The following FLI1 variants were observed in gnomAD, a reference collection of about 807,000 sequenced individuals.
FLI1 encodes the protein Fli-1 proto-oncogene, ETS transcription factor.
In FLI1, 13 loss-of-function variants were observed where a neutral mutation model predicts 53.1. The ratio of observed to expected loss-of-function variants is 0.24; its 90% CI spans 0.16 to 0.39. The LOEUF (loss-of-function observed/expected upper bound fraction) is 0.39, where lower values mean the gene tolerates loss of function less well. Ranked by LOEUF, FLI1 falls within the 10% of genes least tolerant of loss-of-function variation. The pLI, the probability that FLI1 is intolerant of heterozygous loss-of-function variation, is 1.00. For synonymous variants in FLI1, 244 were observed against 236.7 expected, an observed-to-expected ratio of 1.03 and a Z score of -0.28; for missense variants, 424 against 600.5, an observed-to-expected ratio of 0.71 and a Z score of 3.07.
At chr11:128,793,702 T>C (rs1210540667) in intron 5 of FLI1, among the ~76,000 whole-genome samples, 4 of 152,212 alleles carry the variant, frequency 2.6e-5, no homozygotes, top group Admixed American at 6.5e-5. Flanking sequence ...AAATGCACCC[T>C]GAATAAATCA....
In FLI1 at chr11:128,811,008, C is replaced by G. The variant is rs762352696; in HGVS notation, c.*20C>G. The G allele has an allele frequency of 1.2e-6, 2 of 1,613,168 alleles. No homozygotes were observed. The highest frequency in any genetic ancestry group is 2.2e-5 in the South Asian group (2 of 91,062). On this transcript the variant is annotated 3_prime_UTR_variant, in exon 9 of 9. Coordinates refer to ENST00000527786, the MANE Select transcript of FLI1 (RefSeq NM_002017.5). The stretch of plus-strand genomic sequence containing the variant: ...TACTAGAAGCTTACTCATCAGTGGC[C>G]TTCTAGCTGAAGCCCATCCTGCACA...
chr11:128,768,059 T>C, intron 2 of FLI1, 59 bp from the exon 3 acceptor site: 1 of 1,487,312 alleles, frequency 6.7e-7, no homozygotes. Context: ...ATTCAGAGGC[T>C]GAGGCAAGCT....
intron 5 of FLI1, among the ~76,000 whole-genome samples, chr11:128,798,648 T>A (rs1033978399): frequency 6.6e-6 from 1 of 152,172 alleles, no homozygotes; most frequent in Non-Finnish European, 1.5e-5. Context: ...AGGATGTTTT[T>A]TCCCTGTGAG....
chr11:128,759,601 G>T (rs751727342), intron 2 of FLI1, among the ~76,000 whole-genome samples: 2 of 152,220 alleles, frequency 1.3e-5, no homozygotes, highest in East Asian at 1.9e-4. Flanking sequence ...GTGAATGAAG[G>T]GGGTGCATGA....
At chr11:128,809,103 G>C (rs1031136279) in intron 7 of FLI1, 54 bp from the exon 8 acceptor site, 1 of 1,401,840 alleles carries the variant, frequency 7.1e-7, no homozygotes, top group Non-Finnish European at 1.0e-6. Context: ...TGGTTGGTAC[G>C]GTTGTCATAT....
intron 5 of FLI1, among the ~76,000 whole-genome samples, chr11:128,797,408 T>C (rs1423872433): frequency 6.6e-6 from 1 of 152,252 alleles, no homozygotes; most frequent in Admixed American, 6.5e-5. Context: ...AGCCAATCTG[T>C]CACTTTTCAA....
intron 5 of FLI1, among the ~76,000 whole-genome samples, chr11:128,792,724 T>C (rs1193579911): frequency 6.6e-6 from 1 of 152,224 alleles, no homozygotes; most frequent in African/African-American, 2.4e-5. Flanking sequence ...TCCTTTTGTG[T>C]TTAATACTAC....
At chr11:128,774,290 A>G (rs948229338) in intron 4 of FLI1, among the ~76,000 whole-genome samples, 7 of 152,162 alleles carry the variant, frequency 4.6e-5, no homozygotes, top group Non-Finnish European at 7.3e-5. Flanking sequence ...GAGAAAGTAG[A>G]TGATGCAGTA....
intron 2 of FLI1, among the ~76,000 whole-genome samples, chr11:128,766,280 T>C (rs1394613046): frequency 6.6e-6 from 1 of 152,202 alleles, no homozygotes; most frequent in Non-Finnish European, 1.5e-5. Context: ...AGTCCTGATG[T>C]GCTACTGCCT....
At chr11:128,695,827 C>G (rs1938048907) in intron 1 of FLI1, 1 of 152,166 alleles carries the variant, frequency 6.6e-6, no homozygotes, top group South Asian at 2.1e-4. Flanking sequence ...TGTGTTCATG[C>G]AAGTGTCTCT....
At position 128,805,346 on chromosome 11, in the gene FLI1, T is replaced by G; in HGVS notation, c.656-20T>G. ...GAAGCAGGCGATGCTAATGTACCCC[T>G]ATTTGTTATTGTTCATTAGACCCTT... On this transcript the variant is annotated intron_variant, in intron 5 of 8. Transcript: ENST00000527786. 2 of 1,503,068 alleles carry G rather than the reference T, an allele frequency of 1.3e-6. No individual in the cohort carries two copies. Among genetic ancestry groups the G allele is most frequent in the Non-Finnish European group, 1.8e-6 (2 of 1,093,636 alleles). The allele number at this position is 1,503,068 out of a possible 1,614,324, so 93.1% of individuals were successfully genotyped here.
chr11:128,728,625 G>A (rs1939573355), intron 1 of FLI1, among the ~76,000 whole-genome samples: 1 of 152,256 alleles, frequency 6.6e-6, no homozygotes, highest in African/African-American at 2.4e-5. Flanking sequence ...TGTGACCAGA[G>A]CCACTCCTGT....
chr11:128,771,526 A>G (rs1941556258), intron 3 of FLI1, among the ~76,000 whole-genome samples: 1 of 151,742 alleles, frequency 6.6e-6, no homozygotes, highest in Non-Finnish European at 1.5e-5. Context: ...CCCCACATCC[A>G]CTCCTAGTCA....
At chr11:128,719,974 T>C (rs1939188842) in intron 1 of FLI1, among the ~76,000 whole-genome samples, 1 of 152,202 alleles carries the variant, frequency 6.6e-6, no homozygotes. Context: ...TTTAAAATAA[T>C]GATTGCAGAA....
At chr11:128,757,085 T>TG (rs1940914425) in intron 1 of FLI1, among the ~76,000 whole-genome samples, 1 of 149,548 alleles carries the variant, frequency 6.7e-6, no homozygotes, top group African/African-American at 2.5e-5. Flanking sequence ...TCTTTCTTTC[T>TG]TTCTTTCTTT....
At chr11:128,758,034 C>G (rs1328730508) in intron 1 of FLI1, 81 bp from the exon 2 acceptor site, 2 of 1,309,006 alleles carry the variant, frequency 1.5e-6, no homozygotes, top group African/African-American at 2.9e-5. Flanking sequence ...CCCTGGGCCA[C>G]CTTGCCAGCT....
At chr11:128,762,949 A>C (rs930494154) in intron 2 of FLI1, among the ~76,000 whole-genome samples, 34 of 133,736 alleles carry the variant, frequency 2.5e-4, no homozygotes, top group African/African-American at 8.3e-4. Context: ...AAAGTGAAAC[A>C]CCATCTCAAA....
At chr11:128,742,669 G>C (rs1246250064) in intron 1 of FLI1, among the ~76,000 whole-genome samples, 1 of 152,236 alleles carries the variant, frequency 6.6e-6, no homozygotes, top group Non-Finnish European at 1.5e-5. Context: ...GCATGGTGCA[G>C]ATTTTAGAAC....
At chr11:128,701,997 A>T (rs1938354653) in intron 1 of FLI1, among the ~76,000 whole-genome samples, 1 of 152,244 alleles carries the variant, frequency 6.6e-6, no homozygotes. Flanking sequence ...TCATGTAGCA[A>T]AAGTGTGAAA....
Sources: allele counts gnomAD v4.1 joint callset (sites outside exome capture counted in the v4.1 genomes callset), GRCh38; gene constraint gnomAD v4.1.1; transcripts MANE v1.5; gene names NCBI Gene and HGNC (gene_info 2026-07-23, HGNC 2026-07-21).